NEGR1: variants seen among roughly 807,000 people sequenced by gnomAD.
NEGR1 encodes the protein IgLON family member 4.
A neutral mutation model predicts 40.9 loss-of-function variants in NEGR1; 10 were observed. That is an observed-to-expected ratio of 0.24 (90% CI 0.15 to 0.42). The LOEUF is 0.42. Among genes scored for constraint, NEGR1 ranks in the 10% least tolerant of loss-of-function variants. NEGR1 has a pLI of 1.00. For synonymous variants in NEGR1, 185 were observed against 166.8 expected, an observed-to-expected ratio of 1.11 and a Z score of -0.84; for missense variants, 352 against 438.9, an observed-to-expected ratio of 0.80 and a Z score of 1.77.
At chr1:72,037,617 C>T (rs985628013) in intron 1 of NEGR1, among the ~76,000 whole-genome samples, 3 of 152,052 alleles carry the variant, frequency 2.0e-5, no homozygotes, top group Admixed American at 2.0e-4. Flanking sequence ...TCATCATTAA[C>T]ATGTAGAGAG....
At chr1:72,061,600 T>C (rs1238178756) in intron 1 of NEGR1, among the ~76,000 whole-genome samples, 2 of 151,718 alleles carry the variant, frequency 1.3e-5, no homozygotes, top group Non-Finnish European at 2.9e-5. Context: ...ACCACGTAAA[T>C]GATTGAATAA....
At chr1:71,471,027 C>A in intron 6 of NEGR1, among the ~76,000 whole-genome samples, 1 of 152,026 alleles carries the variant, frequency 6.6e-6, no homozygotes, top group East Asian at 1.9e-4. Context: ...CTTTTTATTC[C>A]ATTCATAAAT....
At chr1:72,083,582 G>T (rs1268245866) in intron 1 of NEGR1, among the ~76,000 whole-genome samples, 2 of 151,778 alleles carry the variant, frequency 1.3e-5, no homozygotes, top group African/African-American at 4.9e-5. Context: ...GTAACTGTTA[G>T]AATTCGATAG....
At chr1:71,988,171 A>G (rs916901486) in intron 1 of NEGR1, among the ~76,000 whole-genome samples, 1 of 152,192 alleles carries the variant, frequency 6.6e-6, no homozygotes, top group Non-Finnish European at 1.5e-5. Context: ...TTTGGTCACT[A>G]AAGTACCCTA....
intron 1 of NEGR1, among the ~76,000 whole-genome samples, chr1:72,193,637 C>G (rs1464301131): frequency 7.0e-6 from 1 of 142,840 alleles, no homozygotes; most frequent in East Asian, 2.0e-4. Flanking sequence ...AATTTTCTAA[C>G]TCAGTATAAG....
chr1:71,695,764 T>A lies in NEGR1; in HGVS notation c.667+2244A>T, dbSNP rs557897052. ...CACTGACAGCTTTTGTTCCTATCTTTTCAGTCTTGGAAGAAAGAAGTAGTT... is the reference window on the plus strand; with the variant it reads ...CACTGACAGCTTTTGTTCCTATCTTATCAGTCTTGGAAGAAAGAAGTAGTT... On this transcript the variant is annotated intron_variant, in intron 4 of 6. Coordinates refer to ENST00000357731, the MANE Select transcript of NEGR1 (RefSeq NM_173808.3). Among the ~76,000 whole-genome samples, 5 of 151,962 alleles carry A rather than the reference T, an allele frequency of 3.3e-5. No individual in the cohort carries two copies. The East Asian group carries it at 7.8e-4, about 24-fold the overall frequency.
chr1:71,499,823 C>A (rs357227), intron 6 of NEGR1, among the ~76,000 whole-genome samples: 96,487 of 151,588 alleles, frequency 0.64, 31,106 homozygotes, highest in African/African-American at 0.7. Context: ...AAATCTGTAC[C>A]ACATTTTATT....
At chr1:71,912,977 T>G (rs2101874836) in intron 2 of NEGR1, among the ~76,000 whole-genome samples, 1 of 152,300 alleles carries the variant, frequency 6.6e-6, no homozygotes, top group East Asian at 1.9e-4. Flanking sequence ...GTTGGACATG[T>G]GTGATTCAGT....
At chr1:71,985,473 A>C (rs551740398) in intron 1 of NEGR1, among the ~76,000 whole-genome samples, 5 of 152,268 alleles carry the variant, frequency 3.3e-5, no homozygotes, top group East Asian at 1.9e-4. Flanking sequence ...AGGTTAAGCA[A>C]CTTGCCCAAG....
At chr1:71,663,690 C>T (rs541793371) in intron 4 of NEGR1, among the ~76,000 whole-genome samples, 9 of 152,224 alleles carry the variant, frequency 5.9e-5, no homozygotes, top group African/African-American at 2.2e-4. Flanking sequence ...GAAAATTGAA[C>T]TCAATTCTGT....
At chr1:71,576,624 T>G (rs367795057) in intron 6 of NEGR1, among the ~76,000 whole-genome samples, 31 of 152,220 alleles carry the variant, frequency 2.0e-4, no homozygotes, top group African/African-American at 7.0e-4. Flanking sequence ...ATCTATCATA[T>G]CCTTTTCCTA....
chr1:72,161,676 CT>C (rs779074685), intron 1 of NEGR1, among the ~76,000 whole-genome samples: 1,196 of 84,540 alleles, frequency 0.014, 2 homozygotes, highest in Middle Eastern at 0.025. Context: ...TTCTTTCTTT[CT>C]TTTTTTTTTT....
chr1:71,549,916 C>T (rs1373469656), intron 6 of NEGR1, among the ~76,000 whole-genome samples: 1 of 151,642 alleles, frequency 6.6e-6, no homozygotes, highest in African/African-American at 2.4e-5. Flanking sequence ...CAGTTGAAAT[C>T]TATTGAATGC....
At chr1:71,840,456 T>C (rs991546063) in intron 2 of NEGR1, among the ~76,000 whole-genome samples, 1 of 152,154 alleles carries the variant, frequency 6.6e-6, no homozygotes, top group Non-Finnish European at 1.5e-5. Flanking sequence ...GTCCTTTGCC[T>C]ACATCATTAA....
At chr1:71,460,043 G>A (rs1646702657) in intron 6 of NEGR1, among the ~76,000 whole-genome samples, 1 of 152,138 alleles carries the variant, frequency 6.6e-6, no homozygotes, top group Admixed American at 6.5e-5. Context: ...ATAAAAGTCA[G>A]CACCATATAT....
intron 4 of NEGR1, among the ~76,000 whole-genome samples, chr1:71,625,864 T>A (rs1008438508): frequency 6.6e-6 from 1 of 152,026 alleles, no homozygotes. Context: ...TAATTTTTTT[T>A]TATATTTAGA....
chr1:72,071,926 A>G lies in NEGR1; in HGVS notation c.177-136615T>C, dbSNP rs1470239000. ...TGTAAACATTGTGCTCTCCTGCTTA[A>G]GAAGTTTTCAATAGCTCCTATAGAT... On this transcript the variant is annotated intron_variant, in intron 1 of 6. Coordinates refer to ENST00000357731, the MANE Select transcript of NEGR1 (RefSeq NM_173808.3). Among the ~76,000 whole-genome samples, 4 of 152,268 alleles carry G rather than the reference A, an allele frequency of 2.6e-5. No homozygotes were observed. The East Asian group carries it at 5.8e-4, about 22-fold the overall frequency.
chr1:71,633,738 T>C (rs545481993), intron 4 of NEGR1, among the ~76,000 whole-genome samples: 1 of 152,220 alleles, frequency 6.6e-6, no homozygotes, highest in South Asian at 2.1e-4. Flanking sequence ...CATTTATAGA[T>C]TGGCCCCTTC....
chr1:72,149,254 A>T (rs1028047914), intron 1 of NEGR1, among the ~76,000 whole-genome samples: 3 of 152,136 alleles, frequency 2.0e-5, no homozygotes, highest in Non-Finnish European at 4.4e-5. Flanking sequence ...ATTCACTATC[A>T]CGAGAATAGT....
Sources: gnomAD v4.1 joint callset for allele counts (sites outside exome capture counted in the v4.1 genomes callset) on GRCh38, gnomAD v4.1.1 for gene constraint, MANE v1.5 for transcripts, NCBI Gene and HGNC (gene_info 2026-07-23, HGNC 2026-07-21) for gene names.